Variants in ASPHD1 observed in about 807,000 individuals in gnomAD.
ASPHD1 encodes the protein aspartate beta-hydroxylase domain containing 1, also known as aspartate beta-hydroxylase domain-containing protein 1.
Under a neutral mutation model 28.3 loss-of-function variants are expected in ASPHD1, and 20 were observed. The ratio of observed to expected loss-of-function variants is 0.71; its 90% CI spans 0.50 to 1.03. The LOEUF is 1.03. Among genes scored for constraint, ASPHD1 ranks in the 50% least tolerant of loss-of-function variants. ASPHD1 has a pLI of 0.00. For missense variants in ASPHD1, 479 were observed against 524.1 expected, an observed-to-expected ratio of 0.91 and a Z score of 0.84; for synonymous variants, 240 against 221.2, an observed-to-expected ratio of 1.08 and a Z score of -0.75.
chr16:29,906,661 GCT>G (rs1317314628), downstream of ASPHD1: 24 of 684,756 alleles, frequency 3.5e-5, no homozygotes, highest in Middle Eastern at 2.3e-4. Context: ...GCTTCGGAAG[GCT>G]CTGAGTGGTG....
intron 2 of ASPHD1, 154 bp downstream of exon 2, chr16:29,905,119 T>C (rs2068590437): frequency 1.7e-6 from 1 of 579,134 alleles, no homozygotes; most frequent in African/African-American, 1.9e-5. Context: ...ACTTCTCCAA[T>C]GCCCTAGGAC....
At position 29,901,440 on chromosome 16, in the gene ASPHD1, T is replaced by A; in HGVS notation, c.469T>A (p.Tyr157Asn). 1 of 1,604,300 alleles carries A rather than the reference T, an allele frequency of 6.2e-7. No homozygotes were observed. The highest frequency in any genetic ancestry group is 8.5e-7 in the Non-Finnish European group (1 of 1,176,706). ...SRRLRAYARRYSWAGMGRVRR... is the reference protein window; with the variant it reads ...SRRLRAYARRNSWAGMGRVRR... ...GCGGCTTCGGGCCTACGCAAGGCGC[T>A]ACTCCTGGGCTGGGATGGGTAGAGT... The change falls in exon 1 of 3, where the codon TAC becomes AAC. Residue 157 changes from tyrosine (Y) to asparagine (N), a missense_variant. Physicochemically the swap from Tyr to Asn is moderately radical, Grantham distance 143. Coordinates refer to ENST00000308748, the MANE Select transcript of ASPHD1 (RefSeq NM_181718.4). This position sits in a 1 kb window ranked among gnomAD's most constrained non-coding sequence, Gnocchi z 5.1.
rs1177345759 is a variant in ASPHD1 at position 29,900,759 on chromosome 16, G to T, written c.-213G>T. The T allele has an allele frequency of 6.7e-6, 4 of 601,326 alleles. No individual in the cohort carries two copies. The allele number at this position is 601,326 out of a possible 1,614,324, so 37.2% of individuals were successfully genotyped here. On this transcript the variant is annotated 5_prime_UTR_variant, in exon 1 of 3. In the 5' UTR this introduces an upstream ATG that the reference lacks. Transcript: ENST00000308748. ...CAGGCAGGGTAGGAACCGCTGCCCA[G>T]GGGAGCTAGGAGGAAGCGGGGAGAG...
At chr16:29,908,124 A>C (rs779975786), downstream of ASPHD1, among the ~76,000 whole-genome samples, 4 of 152,110 alleles carry the variant, frequency 2.6e-5, no homozygotes, top group Non-Finnish European at 5.9e-5. Context: ...GTGATATTTG[A>C]CCAAAGGAGT....
chr16:29,917,242 A>G (rs2068825548), intron 3 of ASPHD1, among the ~76,000 whole-genome samples: 1 of 152,156 alleles, frequency 6.6e-6, no homozygotes, highest in Non-Finnish European at 1.5e-5. Context: ...TGGCACTGGG[A>G]AAACTACCTC....
intron 3 of ASPHD1, chr16:29,911,723 C>A: frequency 7.4e-7 from 1 of 1,355,450 alleles, no homozygotes; most frequent in South Asian, 1.2e-5. Flanking sequence ...TTCTTGTAGG[C>A]CCCCCGTGTG....
chr16:29,906,837 C>A (rs780033627), downstream of ASPHD1: 42 of 1,584,842 alleles, frequency 2.7e-5, no homozygotes, highest in Non-Finnish European at 1.6e-5. Context: ...GGACTGGGTC[C>A]CAAGGCAAGA....
rs776629080 is a variant in ASPHD1 at position 29,901,473 on chromosome 16, G to T, written c.502G>T (p.Ala168Ser). 1 of 1,585,056 alleles carries T rather than the reference G, an allele frequency of 6.3e-7. No individual in the cohort carries two copies. Among genetic ancestry groups the T allele is most frequent in the Non-Finnish European group, 8.6e-7 (1 of 1,164,514 alleles). Reference protein sequence around the residue: ...SWAGMGRVRRAAQGGPGPGRG... With the variant: ...SWAGMGRVRRSAQGGPGPGRG... ...GGCTGGGATGGGTAGAGTGAGGCGG[G>T]CAGCTCAGGGTGGCCCAGGCCCTGG... The change falls in exon 1 of 3, where the codon GCA (alanine) becomes TCA (serine). Residue 168 changes from alanine to serine, a missense_variant. Coordinates refer to ENST00000308748, the MANE Select transcript of ASPHD1 (RefSeq NM_181718.4). This position sits in a 1 kb window ranked among gnomAD's most constrained non-coding sequence, Gnocchi z 5.1.
chr16:29,912,619 T>C (rs2068736072), intron 3 of ASPHD1, among the ~76,000 whole-genome samples: 1 of 152,300 alleles, frequency 6.6e-6, no homozygotes, highest in Non-Finnish European at 1.5e-5. Context: ...TTTGTATTTT[T>C]AGTAGAGACG....
rs1372080661 is a variant in ASPHD1 at position 29,901,505 on chromosome 16, G to A, written c.534G>A (p.Gly178=). The part of the protein sequence containing the change: ...AAQGGPGPGR[G]PGVLGIQRPG... ...AGGGTGGCCCAGGCCCTGGGAGAGG[G>A]CCAGGGGTCCTAGGTATTCAGCGCC... Residue 178 remains glycine (G), a synonymous_variant, in exon 1 of 3, where the codon GGG becomes GGA. Coordinates refer to ENST00000308748, the MANE Select transcript of ASPHD1 (RefSeq NM_181718.4). The surrounding 1 kb of genome is among the most constrained non-coding windows in gnomAD (Gnocchi z 5.1). The A allele has an allele frequency of 3.1e-6, 5 of 1,598,672 alleles. No homozygotes were observed. The African/African-American group carries it at 4.0e-5, about 13-fold the overall frequency.
intron 3 of ASPHD1, among the ~76,000 whole-genome samples, chr16:29,916,337 C>A (rs1420624269): frequency 6.6e-6 from 1 of 152,160 alleles, no homozygotes; most frequent in African/African-American, 2.4e-5. Context: ...GATCCTCCCA[C>A]CTTGGCCTCC....
Position 29,905,982 on chromosome 16 carries a change from T to TGG in ASPHD1, c.*86_*87insGG. On this transcript the variant is annotated 3_prime_UTR_variant, in exon 3 of 3. Transcript: ENST00000308748. ...ATGGTAGCCAGGACCTCCTCTCTAC[T>TGG]GCGGGGGTGGGCGGGGGCGGAGGAT... The TGG allele has an allele frequency of 2.0e-6, 1 of 495,800 alleles. No homozygotes were observed. 30.7% of individuals were successfully genotyped at this position (495,800 alleles called of 1,614,324 possible).
chr16:29,910,785 C>T (rs942524820), downstream of ASPHD1, among the ~76,000 whole-genome samples: 5 of 152,216 alleles, frequency 3.3e-5, no homozygotes, highest in Non-Finnish European at 7.3e-5. Flanking sequence ...TGCTCTAACC[C>T]GTGACCCCCA....
At chr16:29,912,943 C>T (rs2068742787) in intron 3 of ASPHD1, among the ~76,000 whole-genome samples, 1 of 152,170 alleles carries the variant, frequency 6.6e-6, no homozygotes, top group East Asian at 1.9e-4. Context: ...GAAGCAAACC[C>T]ATGGGCTTCT....
Position 29,900,899 on chromosome 16 carries a change from A to G in ASPHD1, c.-73A>G. 1 of 1,368,580 alleles carries G rather than the reference A, an allele frequency of 7.3e-7. No homozygotes were observed. The highest frequency in any genetic ancestry group is 1.0e-6 in the Non-Finnish European group (1 of 989,246). 84.8% of individuals were successfully genotyped at this position (1,368,580 alleles called of 1,614,324 possible). ...AGAAAGAAGAGGGTGAGGAGGCGAC[A>G]GAGGGAGAGGAGGAAGAAGAGGTAG... On this transcript the variant is annotated 5_prime_UTR_variant, in exon 1 of 3. Coordinates refer to ENST00000308748, the MANE Select transcript of ASPHD1 (RefSeq NM_181718.4).
intron 3 of ASPHD1, chr16:29,914,462 G>A (rs1399024412): frequency 6.9e-6 from 1 of 144,832 alleles, no homozygotes; most frequent in Non-Finnish European, 1.5e-5. Flanking sequence ...TTGAAATGGA[G>A]TCTTGCTCTG....
At chr16:29,918,649 T>TTTTATTTA (rs935758006) in intron 3 of ASPHD1, among the ~76,000 whole-genome samples, 1 of 151,676 alleles carries the variant, frequency 6.6e-6, no homozygotes, top group African/African-American at 2.4e-5. Context: ...TTTTGTAATT[T>TTTTATTTA]TTTATTTATT....
intron 1 of ASPHD1, among the ~76,000 whole-genome samples, chr16:29,904,370 T>A (rs1283837661): frequency 6.6e-6 from 1 of 151,280 alleles, no homozygotes; most frequent in Non-Finnish European, 1.5e-5. Context: ...TGCTTGAACC[T>A]GGGAGGCGGA....
At chr16:29,910,202 A>G (rs1035757394), downstream of ASPHD1, among the ~76,000 whole-genome samples, 2 of 151,604 alleles carry the variant, frequency 1.3e-5, no homozygotes, top group African/African-American at 4.9e-5. Flanking sequence ...GATTGAGACC[A>G]TCCTGGCCAA....
Sources: gnomAD v4.1 joint callset for allele counts (sites outside exome capture counted in the v4.1 genomes callset) on GRCh38, gnomAD v4.1.1 for gene constraint, Gnocchi (gnomAD v3.1) non-coding constraint, MANE v1.5 for transcripts, NCBI Gene and HGNC (gene_info 2026-07-23, HGNC 2026-07-21) for gene names.